Variants in NLRP9 observed in about 807,000 individuals in gnomAD.
NLRP9 encodes the protein NACHT, LRR and PYD domains-containing protein 9.
Under a neutral mutation model 83.1 loss-of-function variants are expected in NLRP9, and 88 were observed. The ratio of observed to expected loss-of-function variants is 1.06; its 90% CI spans 0.89 to 1.26. The LOEUF (loss-of-function observed/expected upper bound fraction) is 1.26. NLRP9 is among the 50% of genes most tolerant of loss of function. The pLI, the probability that NLRP9 is intolerant of heterozygous loss-of-function variation, is 0.00. For synonymous variants in NLRP9, 521 were observed against 447.6 expected, an observed-to-expected ratio of 1.16 and a Z score of -2.07; for missense variants, 1,308 against 1,179.3, an observed-to-expected ratio of 1.11 and a Z score of -1.60.
chr19:55,732,248 T>G lies in NLRP9; in HGVS notation c.1583A>C (p.Glu528Ala). Residue 528 changes from glutamate to alanine, a missense_variant, in exon 2 of 9, where the codon GAA (glutamate) becomes GCA (alanine). Coordinates refer to ENST00000332836, the MANE Select transcript of NLRP9 (RefSeq NM_176820.4). ...ATCAGCTTCACATTGACTTAAACTT[T>G]CAAGGCATTGGGTTATTTCCTGCTT... ...DLKQEITQCL[E>A]SLSQCEADRE... is the part of the protein sequence containing the mutation. 1 of 1,614,112 alleles carries G rather than the reference T, an allele frequency of 6.2e-7. No homozygotes were observed. Among genetic ancestry groups the G allele is most frequent in the Non-Finnish European group, 8.5e-7 (1 of 1,179,964 alleles).
intron 3 of NLRP9, among the ~76,000 whole-genome samples, chr19:55,724,762 G>C (rs1378989862): frequency 6.6e-6 from 1 of 152,092 alleles, no homozygotes; most frequent in Non-Finnish European, 1.5e-5. Context: ...TATGGTCATG[G>C]TAATTAAGAA....
intron 6 of NLRP9, 49 bp downstream of exon 6, chr19:55,715,006 A>T: frequency 6.5e-7 from 1 of 1,530,258 alleles, no homozygotes; most frequent in Non-Finnish European, 8.9e-7. Flanking sequence ...GAGCCACAGT[A>T]TCCAAAAAAA....
rs771301218 is a variant in NLRP9, at chr19:55,732,585, G to A, written c.1246C>T (p.Arg416Trp). 3.1e-6 allele frequency: 5 copies of A among 1,614,130 alleles called. No homozygotes were observed. The highest frequency in any genetic ancestry group is 2.2e-5 in the East Asian group (1 of 44,888). ...TCAGACTCAGATAACCCATTCCTCCGGAGATCCCCATGGGAAAATACAAAT... is the reference window on the plus strand; with the variant it reads ...TCAGACTCAGATAACCCATTCCTCCAGAGATCCCCATGGGAAAATACAAAT... Reference protein sequence around the residue: ...YTFVFSHGDLRRNGLSESEGV... With the variant: ...YTFVFSHGDLWRNGLSESEGV... The change falls in exon 2 of 9, where the codon CGG becomes TGG. Residue 416 changes from arginine (R) to tryptophan (W), a missense_variant. By Grantham distance (101) the Arg-to-Trp change is moderately radical. Transcript: ENST00000332836.
rs143343291 is a variant in NLRP9, at chr19:55,729,505, G to A, written c.1994+326C>T. The stretch of plus-strand genomic sequence containing the variant: ...GCGTTGTTTGGTTTTTTGTCCTTGC[G>A]ATAGTTTGCTGAGAATGATGGTTTC... On this transcript the variant is annotated intron_variant, in intron 3 of 8. Coordinates refer to ENST00000332836, the MANE Select transcript of NLRP9 (RefSeq NM_176820.4). Among the ~76,000 whole-genome samples the A allele has an allele frequency of 7.3e-4, 111 of 152,076 alleles. 2 individuals are homozygous for A. The highest frequency in any genetic ancestry group is 1.1e-3 in the Non-Finnish European group (72 of 68,006).
At chr19:55,734,503 G>GTACACATATATATACACACACACATA in intron 1 of NLRP9, among the ~76,000 whole-genome samples, 1 of 138,728 alleles carries the variant, frequency 7.2e-6, no homozygotes, top group Non-Finnish European at 1.5e-5. Flanking sequence ...TGTCAGCAAA[G>GTACACATATATATACACACACACATA]TACACATATA....
chr19:55,726,738 C>T (rs887477808), intron 3 of NLRP9, among the ~76,000 whole-genome samples: 3 of 152,138 alleles, frequency 2.0e-5, no homozygotes, highest in Admixed American at 1.3e-4. Flanking sequence ...TCCAATGTTC[C>T]CTAAACCCTA....
intron 1 of NLRP9, among the ~76,000 whole-genome samples, chr19:55,736,107 G>A (rs1001232880): frequency 2.0e-5 from 3 of 150,972 alleles, no homozygotes; most frequent in Non-Finnish European, 3.0e-5. Context: ...CATAAGCAAG[G>A]TTATTTAAAA....
At chr19:55,709,921 C>G (rs1987639350) in intron 8 of NLRP9, 1 of 152,194 alleles carries the variant, frequency 6.6e-6, no homozygotes, top group Admixed American at 6.5e-5. Context: ...CAATTCTCTT[C>G]TCCCCTCTCC....
At position 55,738,180 on chromosome 19, in the gene NLRP9, T is replaced by C; in HGVS notation, c.195A>G (p.Gly65=). The change falls in exon 1 of 9, where the codon GGA becomes GGG. Residue 65 remains glycine (G), a synonymous_variant. Transcript: ENST00000332836. The part of the protein sequence containing the change: ...VAKLLDKHYP[G]KQAWEVTLNL... ...TCAGTGTTACCTCCCATGCCTGCTT[T>C]CCTGGGTAATGTTTGTCCAGCAGCT... The C allele has an allele frequency of 5.6e-6, 9 of 1,614,096 alleles. No individual in the cohort carries two copies. The highest frequency in any genetic ancestry group is 7.6e-6 in the Non-Finnish European group (9 of 1,179,952).
intron 4 of NLRP9, among the ~76,000 whole-genome samples, chr19:55,717,522 C>G (rs1191381191): frequency 1.3e-5 from 2 of 152,192 alleles, no homozygotes; most frequent in Non-Finnish European, 2.9e-5. Context: ...GCCAGGAATG[C>G]TGCTCAACGT....
chr19:55,715,190 T>G lies in NLRP9; in HGVS notation c.2366A>C (p.Asp789Ala). 1 of 1,612,878 alleles carries G rather than the reference T, an allele frequency of 6.2e-7. No homozygotes were observed. Among genetic ancestry groups the G allele is most frequent in the Non-Finnish European group, 8.5e-7 (1 of 1,179,724 alleles). ...GCACAAGAGGACTTCGGAAATGGAG[T>G]CACAGGAGACAGAGGTGAGACAGCA... Reference protein sequence around the residue: ...MYCCLTSVSCDSISEVLLCSK... With the variant: ...MYCCLTSVSCASISEVLLCSK... The change falls in exon 6 of 9, where the codon GAC (aspartate) becomes GCC (alanine). Residue 789 changes from aspartate to alanine, a missense_variant. Transcript: ENST00000332836.
intron 8 of NLRP9, 98 bp downstream of exon 8, chr19:55,711,702 C>G: frequency 2.4e-6 from 3 of 1,248,004 alleles, no homozygotes; most frequent in Non-Finnish European, 3.4e-6. Context: ...ACAAACAACC[C>G]TCCAGCCTGG....
intron 1 of NLRP9, among the ~76,000 whole-genome samples, chr19:55,735,314 C>T (rs192929024): frequency 1.3e-5 from 2 of 151,088 alleles, no homozygotes; most frequent in East Asian, 2.0e-4. Context: ...ATGCTAGGCA[C>T]GGTGGCTCAC....
chr19:55,737,904 C>T (rs558016565), intron 1 of NLRP9, among the ~76,000 whole-genome samples, 191 bp downstream of exon 1: 5 of 152,170 alleles, frequency 3.3e-5, no homozygotes, highest in African/African-American at 4.8e-5. Flanking sequence ...GGTATCAGGA[C>T]GCCATCTGTC....
chr19:55,725,025 C>G (rs1336051446), intron 3 of NLRP9, among the ~76,000 whole-genome samples: 1 of 152,018 alleles, frequency 6.6e-6, no homozygotes, highest in Non-Finnish European at 1.5e-5. Context: ...TGCCACTGCA[C>G]TCCAGCCTGG....
chr19:55,727,358 A>G (rs1249331041), intron 3 of NLRP9, among the ~76,000 whole-genome samples: 1 of 152,236 alleles, frequency 6.6e-6, no homozygotes, highest in Admixed American at 6.5e-5. Context: ...GGACACGTGC[A>G]TCTTAATTCA....
chr19:55,710,331 G>A (rs947846050), intron 8 of NLRP9, among the ~76,000 whole-genome samples: 2 of 152,106 alleles, frequency 1.3e-5, no homozygotes, highest in African/African-American at 2.4e-5. Context: ...ACAGCTCCCC[G>A]GGACTCCCTT....
chr19:55,716,707 G>A lies in NLRP9; in HGVS notation c.2330+21C>T, dbSNP rs747446994. Reference sequence around the variant, plus strand: ...GCACGCTTCAGAAATCTCCGAACGTGCTTCCCGCAGACCAACTTACATCAG... The same window carrying A: ...GCACGCTTCAGAAATCTCCGAACGTACTTCCCGCAGACCAACTTACATCAG... On this transcript the variant is annotated intron_variant, in intron 5 of 8. Coordinates refer to ENST00000332836, the MANE Select transcript of NLRP9 (RefSeq NM_176820.4). 4 of 1,606,238 alleles carry A rather than the reference G, an allele frequency of 2.5e-6. No homozygotes were observed. In the South Asian group the frequency reaches 3.3e-5, roughly 13 times the overall value.
chr19:55,725,497 G>A (rs34514685), intron 3 of NLRP9, among the ~76,000 whole-genome samples: 6,634 of 152,190 alleles, frequency 0.044, 190 homozygotes, highest in Non-Finnish European at 0.066. Flanking sequence ...ATTTTGAGTA[G>A]GCCAGAATCA....
Sources: allele counts gnomAD v4.1 joint callset (sites outside exome capture counted in the v4.1 genomes callset), GRCh38; gene constraint gnomAD v4.1.1; transcripts MANE v1.5; gene names NCBI Gene and HGNC (gene_info 2026-07-23, HGNC 2026-07-21).